CALN1: variants seen among roughly 807,000 people sequenced by gnomAD.
CALN1 encodes calneuron 1, also known as calcium-binding protein 8.
Under a neutral mutation model 30.6 loss-of-function variants are expected in CALN1, and 17 were observed. The ratio of observed to expected loss-of-function variants is 0.56; its 90% confidence interval spans 0.38 to 0.83. The LOEUF (loss-of-function observed/expected upper bound fraction) is 0.83, where lower values mean the gene tolerates loss of function less well. Among genes scored for constraint, CALN1 ranks in the 40% least tolerant of loss-of-function variants. The probability of loss-of-function intolerance (pLI) is 0.00; values close to 1 mark genes in which losing one functional copy is unlikely to be tolerated. For synonymous variants in CALN1, 156 were observed against 131.4 expected, an observed-to-expected ratio of 1.19 and a Z score of -1.28; for missense variants, 291 against 354.9, an observed-to-expected ratio of 0.82 and a Z score of 1.45.
intron 3 of CALN1, among the ~76,000 whole-genome samples, chr7:72,111,078 C>T (rs188329603): frequency 2.9e-4 from 44 of 152,318 alleles, no homozygotes; most frequent in African/African-American, 9.9e-4. Context: ...GCCAGGGCTA[C>T]GTGAGCACGC....
chr7:72,316,425 A>AT (rs1297872576), intron 2 of CALN1, among the ~76,000 whole-genome samples: 2 of 152,040 alleles, frequency 1.3e-5, no homozygotes, highest in Non-Finnish European at 2.9e-5. Flanking sequence ...AAAACAGTTC[A>AT]TTTAGGAATG....
At chr7:72,304,405 G>C (rs944244188) in intron 2 of CALN1, among the ~76,000 whole-genome samples, 9 of 152,082 alleles carry the variant, frequency 5.9e-5, no homozygotes, top group Admixed American at 5.2e-4. Context: ...GGTGTTCGGG[G>C]GCCAGGAAGG....
At chr7:72,258,420 G>A (rs900092583) in intron 3 of CALN1, among the ~76,000 whole-genome samples, 5 of 152,124 alleles carry the variant, frequency 3.3e-5, no homozygotes, top group East Asian at 1.9e-4. Context: ...GGTTTAGACC[G>A]GTTTCTGATT....
At chr7:71,955,957 G>A (rs983121619) in intron 5 of CALN1, among the ~76,000 whole-genome samples, 13 of 151,244 alleles carry the variant, frequency 8.6e-5, no homozygotes, top group Non-Finnish European at 1.3e-4. Context: ...GCCCCCAACC[G>A]AGATAGTATA....
chr7:72,102,799 G>T (rs1437970152), intron 4 of CALN1, among the ~76,000 whole-genome samples: 1 of 152,138 alleles, frequency 6.6e-6, no homozygotes, highest in African/African-American at 2.4e-5. Context: ...TTTTGTCTGG[G>T]TGTGGTGGCT....
chr7:72,391,775 A>G (rs1444379014), intron 2 of CALN1, among the ~76,000 whole-genome samples: 1 of 152,090 alleles, frequency 6.6e-6, no homozygotes, highest in Non-Finnish European at 1.5e-5. Context: ...ACCTTCTGCC[A>G]TGATTGTGAG....
chr7:72,031,108 A>G (rs2129531926), intron 4 of CALN1, among the ~76,000 whole-genome samples: 1 of 152,314 alleles, frequency 6.6e-6, no homozygotes, highest in South Asian at 2.1e-4. Context: ...CAGGGAGTAG[A>G]GCTGAGATTC....
chr7:72,360,012 G>C (rs1803477873), intron 2 of CALN1, among the ~76,000 whole-genome samples: 1 of 137,510 alleles, frequency 7.3e-6, no homozygotes, highest in Admixed American at 7.3e-5. Flanking sequence ...CCTGGATTCT[G>C]CAAAAATGTG....
intron 5 of CALN1, among the ~76,000 whole-genome samples, chr7:71,949,443 G>A (rs1479117437): frequency 6.6e-6 from 1 of 152,140 alleles, no homozygotes; most frequent in East Asian, 1.9e-4. Context: ...GAGTGCAGTG[G>A]TGTGATCTCA....
chr7:72,141,111 G>C (rs1379404805), intron 3 of CALN1, among the ~76,000 whole-genome samples: 1 of 152,188 alleles, frequency 6.6e-6, no homozygotes, highest in Non-Finnish European at 1.5e-5. Context: ...TCTGCGTCCT[G>C]AGAAAAGTAG....
chr7:72,374,531 CAAAAA>C (rs200948574), intron 2 of CALN1, among the ~76,000 whole-genome samples: 1 of 50,490 alleles, frequency 2.0e-5, no homozygotes, highest in African/African-American at 7.4e-5. Context: ...ACTCTGTCTC[CAAAAA>C]AAAAAAAAAA....
rs1238359008 is a variant in CALN1, at chr7:71,785,325, C to A, written c.*2450G>T. ...CTTTCCAGAAAACAGGATGGCGGCG[C>A]CTCTCCAGAACTCCTTTTCCTCCCT... is the stretch of plus-strand genomic sequence containing the variant. On this transcript the variant is annotated 3_prime_UTR_variant, in exon 7 of 7. Coordinates refer to ENST00000395275, the MANE Select transcript of CALN1 (RefSeq NM_031468.4). 1 of 154,066 alleles carries A rather than the reference C, an allele frequency of 6.5e-6. No individual in the cohort carries two copies. Among genetic ancestry groups the A allele is most frequent in the Non-Finnish European group, 1.4e-5 (1 of 69,356 alleles). 9.5% of individuals were successfully genotyped at this position (154,066 alleles called of 1,614,324 possible).
chr7:71,948,401 G>A (rs1036884759), intron 5 of CALN1, among the ~76,000 whole-genome samples: 1 of 152,072 alleles, frequency 6.6e-6, no homozygotes, highest in Non-Finnish European at 1.5e-5. Flanking sequence ...TTCTAAGAGA[G>A]AGTCATCATA....
In CALN1 at chr7:71,961,709, T is replaced by C. The variant is rs1201055882; in HGVS notation, c.501+61948A>G. On this transcript the variant is annotated intron_variant, in intron 5 of 6. Transcript: ENST00000395275. ...ACTGATCTCTGTAGATTGCATCTCC[T>C]AGACAAACTTGCTGCTAGCTTCTGT... Among the ~76,000 whole-genome samples, 6 of 152,202 alleles carry C rather than the reference T, an allele frequency of 3.9e-5. No homozygotes were observed. In the East Asian group the frequency reaches 9.6e-4, roughly 24 times the overall value.
intron 2 of CALN1, among the ~76,000 whole-genome samples, chr7:72,383,925 T>C (rs746337262): frequency 6.6e-6 from 1 of 152,216 alleles, no homozygotes. Context: ...GGGATACATG[T>C]TGACCCAGCA....
At chr7:72,393,135 G>A (rs574771729) in intron 2 of CALN1, among the ~76,000 whole-genome samples, 6 of 152,152 alleles carry the variant, frequency 3.9e-5, no homozygotes, top group Admixed American at 3.9e-4. Context: ...CCCGCCACAA[G>A]CAAGAACCAT....
chr7:72,343,691 T>A (rs1005048481), intron 2 of CALN1, among the ~76,000 whole-genome samples: 1 of 152,158 alleles, frequency 6.6e-6, no homozygotes, highest in Admixed American at 6.5e-5. Flanking sequence ...AGAGACAGGT[T>A]AATTGAAGAA....
At chr7:72,016,067 G>A (rs1046030538) in intron 5 of CALN1, among the ~76,000 whole-genome samples, 2 of 151,962 alleles carry the variant, frequency 1.3e-5, no homozygotes, top group Non-Finnish European at 2.9e-5. Context: ...TGGCCAACAC[G>A]GTGAAACCCC....
intron 4 of CALN1, among the ~76,000 whole-genome samples, chr7:72,041,527 G>A (rs1019062335): frequency 3.9e-5 from 6 of 152,052 alleles, no homozygotes; most frequent in African/African-American, 1.2e-4. Context: ...GGGATAACAG[G>A]TGCACACCAC....
Sources: allele counts gnomAD v4.1 joint callset (sites outside exome capture counted in the v4.1 genomes callset), GRCh38; gene constraint gnomAD v4.1.1; transcripts MANE v1.5; gene names NCBI Gene and HGNC (gene_info 2026-07-23, HGNC 2026-07-21).